The following NFYC variants were observed in gnomAD, a reference collection of about 807,000 sequenced individuals.
NFYC encodes the protein nuclear transcription factor Y subunit gamma.
NFYC carries 25 observed loss-of-function variants against 53.1 expected under a neutral mutation model. That is an observed-to-expected ratio of 0.47 (90% CI 0.34 to 0.66). NFYC has a LOEUF of 0.66. Among genes scored for constraint, NFYC ranks in the 30% least tolerant of loss-of-function variants. The probability of loss-of-function intolerance (pLI) is 0.01; values close to 1 mark genes in which losing one functional copy is unlikely to be tolerated. For missense variants in NFYC, 260 were observed against 422.7 expected, an observed-to-expected ratio of 0.62 and a Z score of 3.38; for synonymous variants, 145 against 152.6, an observed-to-expected ratio of 0.95 and a Z score of 0.37.
intron 1 of NFYC, among the ~76,000 whole-genome samples, chr1:40,729,966 G>T (rs971236232): frequency 1.5e-4 from 23 of 151,928 alleles, no homozygotes; most frequent in Middle Eastern, 3.4e-3. Context: ...ATGAGCCACC[G>T]CGCCCAGCCC....
intron 7 of NFYC, among the ~76,000 whole-genome samples, chr1:40,765,014 A>C (rs577871569): frequency 6.6e-6 from 1 of 152,286 alleles, no homozygotes; most frequent in South Asian, 2.1e-4. Flanking sequence ...CTCCTGGGAC[A>C]AGGCTTTAGT....
chr1:40,699,584 T>C (rs1276744752), intron 1 of NFYC, among the ~76,000 whole-genome samples: 2 of 152,240 alleles, frequency 1.3e-5, no homozygotes, highest in African/African-American at 4.8e-5. Flanking sequence ...AATGCTTGGT[T>C]GGCAATCACT....
At chr1:40,769,061 T>G in intron 8 of NFYC, 1 of 343,746 alleles carries the variant, frequency 2.9e-6, no homozygotes, top group South Asian at 2.9e-5. Flanking sequence ...TGTTTGAGCC[T>G]CAGAGTTTGA....
At position 40,710,680 on chromosome 1, in the gene NFYC, A is replaced by G. The variant is rs368510973; in HGVS notation, c.-9+18813A>G. Reference sequence around the variant, plus strand: ...ACGGAAAAGGAGCAGGCCCTATTAGAGGAGAAGTTTCGAGGGTGTCGATTT... The same window carrying G: ...ACGGAAAAGGAGCAGGCCCTATTAGGGGAGAAGTTTCGAGGGTGTCGATTT... On this transcript the variant is annotated intron_variant, in intron 1 of 9. Transcript: ENST00000447388. Among the ~76,000 whole-genome samples, 44 of 152,324 alleles carry G rather than the reference A, an allele frequency of 2.9e-4. No individual in the cohort carries two copies. The East Asian group carries it at 6.4e-3, about 22-fold the overall frequency.
At chr1:40,707,713 C>T (rs1299942066) in intron 1 of NFYC, among the ~76,000 whole-genome samples, 1 of 151,312 alleles carries the variant, frequency 6.6e-6, no homozygotes, top group African/African-American at 2.4e-5. Context: ...GTAGCACACA[C>T]CTGTAGTCCT....
At chr1:40,757,164 G>A (rs1378522404) in intron 5 of NFYC, 1 of 262,688 alleles carries the variant, frequency 3.8e-6, no homozygotes, top group Non-Finnish European at 8.6e-6. Flanking sequence ...GTGGTTCTGT[G>A]TTTTTATTGT....
chr1:40,692,422 T>C (rs1557715646), intron 1 of NFYC: 1 of 152,740 alleles, frequency 6.5e-6, no homozygotes, highest in Non-Finnish European at 1.5e-5. Flanking sequence ...TCCTGGTACA[T>C]GCATGGCCCA....
chr1:40,719,284 T>A, intron 1 of NFYC, among the ~76,000 whole-genome samples: 1 of 152,250 alleles, frequency 6.6e-6, no homozygotes, highest in Middle Eastern at 3.2e-3. Flanking sequence ...AATGGCTGGA[T>A]AATTAAAATA....
chr1:40,693,402 A>G (rs1460578821), intron 1 of NFYC, among the ~76,000 whole-genome samples: 1 of 152,074 alleles, frequency 6.6e-6, no homozygotes, highest in Non-Finnish European at 1.5e-5. Context: ...TGTTTTCCTA[A>G]TTTGTTTTTC....
At chr1:40,729,843 T>G (rs1644685827) in intron 1 of NFYC, among the ~76,000 whole-genome samples, 1 of 152,086 alleles carries the variant, frequency 6.6e-6, no homozygotes, top group African/African-American at 2.4e-5. Context: ...GCCTGGCTAA[T>G]TTTTGTATTT....
intron 1 of NFYC, among the ~76,000 whole-genome samples, chr1:40,720,520 T>C (rs1381017271): frequency 6.6e-6 from 1 of 152,124 alleles, no homozygotes; most frequent in Admixed American, 6.5e-5. Context: ...AGAAGGAATT[T>C]TCCCATTTCA....
intron 6 of NFYC, among the ~76,000 whole-genome samples, chr1:40,760,687 T>C (rs1389550014): frequency 6.6e-6 from 1 of 151,368 alleles, no homozygotes; most frequent in Non-Finnish European, 1.5e-5. Flanking sequence ...GCCACTGCAC[T>C]CCAATCTGGG....
intron 1 of NFYC, among the ~76,000 whole-genome samples, chr1:40,731,532 T>C (rs1404908822): frequency 1.3e-5 from 2 of 151,356 alleles, no homozygotes; most frequent in Non-Finnish European, 2.9e-5. Context: ...GTTGCCAGGC[T>C]CTAGTGCAGT....
intron 2 of NFYC, among the ~76,000 whole-genome samples, chr1:40,744,726 G>C (rs1022863703): frequency 6.6e-6 from 1 of 152,220 alleles, no homozygotes; most frequent in Admixed American, 6.5e-5. Flanking sequence ...TGTGTCAGCT[G>C]TTCTTCCAGT....
At chr1:40,748,703 C>G (rs1645751502) in intron 3 of NFYC, among the ~76,000 whole-genome samples, 1 of 152,178 alleles carries the variant, frequency 6.6e-6, no homozygotes, top group African/African-American at 2.4e-5. Context: ...GGAACTCTGT[C>G]TCTTTACCAC....
intron 5 of NFYC, among the ~76,000 whole-genome samples, chr1:40,755,484 G>T (rs1479965656): frequency 5.3e-5 from 8 of 152,220 alleles, no homozygotes; most frequent in African/African-American, 1.9e-4. Flanking sequence ...AGAGAAGCAA[G>T]TAAAGATTAT....
At position 40,754,065 on chromosome 1, in the gene NFYC, G is replaced by A. The variant is rs563064591; in HGVS notation, c.387+819G>A. Among the ~76,000 whole-genome samples, 9 of 152,072 alleles carry A rather than the reference G, an allele frequency of 5.9e-5. 1 individual carries two copies. Among genetic ancestry groups the A allele is most frequent in the African/African-American group, 2.2e-4 (9 of 41,474 alleles). ...ACTAGGTGCCACTTGGGAAATTGTGGCAGAATCTCACAGGAGCAAAGCTGT... is the reference window on the plus strand; with the variant it reads ...ACTAGGTGCCACTTGGGAAATTGTGACAGAATCTCACAGGAGCAAAGCTGT... On this transcript the variant is annotated intron_variant, in intron 5 of 9. Coordinates refer to ENST00000447388, the MANE Select transcript of NFYC (RefSeq NM_014223.5).
intron 1 of NFYC, among the ~76,000 whole-genome samples, chr1:40,697,185 CCTATCA>C (rs1395413024): frequency 3.3e-5 from 5 of 152,198 alleles, no homozygotes; most frequent in African/African-American, 7.2e-5. Context: ...GTGGTAGATG[CCTATCA>C]CTTAGTGGAC....
intron 7 of NFYC, 32 bp downstream of exon 7, chr1:40,763,078 CT>C: frequency 6.6e-7 from 1 of 1,525,168 alleles, no homozygotes; most frequent in Non-Finnish European, 8.8e-7. Context: ...GTCTTTACAA[CT>C]TTATAGAAGG....
Sources: gnomAD v4.1 joint callset for allele counts (sites outside exome capture counted in the v4.1 genomes callset) on GRCh38, gnomAD v4.1.1 for gene constraint, MANE v1.5 for transcripts, NCBI Gene and HGNC (gene_info 2026-07-23, HGNC 2026-07-21) for gene names.